The following ARFIP1 variants were observed in gnomAD, a reference collection of about 807,000 sequenced individuals.
ARFIP1 encodes the protein arfaptin-1.
A neutral mutation model predicts 42.5 loss-of-function variants in ARFIP1; 24 were observed. That is an observed-to-expected ratio of 0.57 (90% CI 0.41 to 0.80). The LOEUF (loss-of-function observed/expected upper bound fraction) is 0.80, where lower values mean the gene tolerates loss of function less well. Among genes scored for constraint, ARFIP1 ranks in the 30% least tolerant of loss-of-function variants. The pLI, the probability that ARFIP1 is intolerant of heterozygous loss-of-function variation, is 0.00. For missense variants in ARFIP1, 354 were observed against 434.0 expected (o/e 0.82, Z 1.64); for synonymous variants, 141 against 153.7 (o/e 0.92, Z 0.61).
Position 152,892,417 on chromosome 4 carries a change from A to G in ARFIP1, c.966+4110A>G, listed in dbSNP as rs577977247. ...CTTCTCTTCTAAAATGAGAAGCCAG[A>G]TAACCAAACAACGAGAATAGGGCAT... is the stretch of plus-strand genomic sequence containing the variant. On this transcript the variant is annotated intron_variant, in intron 8 of 8. Coordinates refer to ENST00000353617, the MANE Select transcript of ARFIP1 (RefSeq NM_001025595.3). 5.2e-4 allele frequency among the ~76,000 whole-genome samples: 79 copies of G among 152,298 alleles called. 2 individuals carry two copies. Among genetic ancestry groups the G allele is most frequent in the Non-Finnish European group, 1.5e-4 (10 of 68,024 alleles).
rs1554036969 is a variant in ARFIP1 at position 152,905,545 on chromosome 4, G to GCTTTT, written c.967-4519_967-4518insCTTTT. On this transcript the variant is annotated intron_variant, in intron 8 of 8. Coordinates refer to ENST00000353617, the MANE Select transcript of ARFIP1 (RefSeq NM_001025595.3). ...TTATTCTTACTGAATTGTAAGAATT[G>GCTTTT]TTTTTTTTTTTTTTTTTTTTTTTTT... is the stretch of plus-strand genomic sequence containing the variant. 1.6e-3 allele frequency among the ~76,000 whole-genome samples: 48 copies of GCTTTT among 30,374 alleles called. 1 individual carries two copies. The highest frequency in any genetic ancestry group is 6.0e-3 in the African/African-American group (48 of 8,044). The allele number at this position is 30,374 out of a possible 152,430, so 19.9% of individuals were successfully genotyped here. A position where few individuals can be genotyped will look rare whatever the true frequency, so the allele number is the denominator to read the frequency against.
intron 6 of ARFIP1, 88 bp from the exon 7 acceptor site, chr4:152,882,635 T>C: frequency 7.9e-7 from 1 of 1,263,096 alleles, no homozygotes; most frequent in Non-Finnish European, 1.1e-6. Context: ...CTAAATCACA[T>C]ATTTTCCCAT....
At chr4:152,794,738 C>T (rs1243563082) in intron 1 of ARFIP1, among the ~76,000 whole-genome samples, 5 of 152,100 alleles carry the variant, frequency 3.3e-5, no homozygotes, top group East Asian at 3.8e-4. Context: ...ATTTACTTAT[C>T]GTCTATTGTG....
chr4:152,828,689 CAT>C lies in ARFIP1; in HGVS notation c.-9-933_-9-932del, dbSNP rs547530065. 2.6e-3 allele frequency among the ~76,000 whole-genome samples: 403 copies of C among 152,294 alleles called. 1 individual carries two copies. Among genetic ancestry groups the C allele is most frequent in the Non-Finnish European group, 4.7e-3 (318 of 68,026 alleles). ...TCCGTGGCTTGTCTTCTCAGTCCTT[CAT>C]ATGTTTTCTGTGGAGCAGAAATCTT... On this transcript the variant is annotated intron_variant, in intron 1 of 8. Coordinates refer to ENST00000353617, the MANE Select transcript of ARFIP1 (RefSeq NM_001025595.3).
At chr4:152,823,843 C>A (rs924232205) in intron 1 of ARFIP1, among the ~76,000 whole-genome samples, 3 of 147,396 alleles carry the variant, frequency 2.0e-5, no homozygotes, top group African/African-American at 7.5e-5. Flanking sequence ...TCCAAAAACT[C>A]GAGAAGGAGG....
At chr4:152,791,446 GT>G (rs1731141712) in intron 1 of ARFIP1, among the ~76,000 whole-genome samples, 1 of 152,142 alleles carries the variant, frequency 6.6e-6, no homozygotes, top group African/African-American at 2.4e-5. Flanking sequence ...AAACAAGTCA[GT>G]TCAACTTGAA....
At chr4:152,880,731 T>C (rs972341112) in intron 5 of ARFIP1, among the ~76,000 whole-genome samples, 3 of 152,230 alleles carry the variant, frequency 2.0e-5, no homozygotes, top group Non-Finnish European at 4.4e-5. Flanking sequence ...AGAGTTCTTA[T>C]GGCAGTATAT....
intron 1 of ARFIP1, among the ~76,000 whole-genome samples, chr4:152,802,809 A>G (rs1728527611): frequency 6.6e-6 from 1 of 152,172 alleles, no homozygotes; most frequent in South Asian, 2.1e-4. Flanking sequence ...CATTATTAAG[A>G]TAGTGTTTTA....
chr4:152,810,907 G>T (rs1344468413), intron 1 of ARFIP1, among the ~76,000 whole-genome samples: 2 of 151,874 alleles, frequency 1.3e-5, no homozygotes, highest in Non-Finnish European at 2.9e-5. Flanking sequence ...AGTGTGCTGT[G>T]CTTATCTCTA....
At chr4:152,813,722 T>C (rs1366118344) in intron 1 of ARFIP1, among the ~76,000 whole-genome samples, 1 of 152,166 alleles carries the variant, frequency 6.6e-6, no homozygotes, top group East Asian at 1.9e-4. Context: ...TGTTTTTTGA[T>C]AATAATTGTT....
chr4:152,811,408 T>C (rs1729454062), intron 1 of ARFIP1, among the ~76,000 whole-genome samples: 1 of 152,182 alleles, frequency 6.6e-6, no homozygotes, highest in South Asian at 2.1e-4. Flanking sequence ...GGCTTTGGAA[T>C]AAGTTTTATA....
chr4:152,817,853 G>T (rs1006954960), intron 1 of ARFIP1, among the ~76,000 whole-genome samples: 2 of 152,112 alleles, frequency 1.3e-5, no homozygotes, highest in African/African-American at 2.4e-5. Context: ...CATATGAAAA[G>T]ATACTCAATA....
chr4:152,834,656 A>C (rs1257164665), intron 2 of ARFIP1, among the ~76,000 whole-genome samples: 1 of 152,248 alleles, frequency 6.6e-6, no homozygotes, highest in Non-Finnish European at 1.5e-5. Flanking sequence ...GGCTTTGGGC[A>C]GCTCTGCCCC....
intron 2 of ARFIP1, among the ~76,000 whole-genome samples, chr4:152,833,750 AT>A: frequency 6.6e-6 from 1 of 152,360 alleles, no homozygotes; most frequent in South Asian, 2.1e-4. Context: ...CCTGGAAGAT[AT>A]TAGGCTAAGT....
chr4:152,853,096 T>A (rs996267213), intron 2 of ARFIP1, among the ~76,000 whole-genome samples: 1 of 152,248 alleles, frequency 6.6e-6, no homozygotes, highest in African/African-American at 2.4e-5. Flanking sequence ...TTAAGATTTT[T>A]ATTGATATGT....
Position 152,910,771 on chromosome 4 carries a change from A to G in ARFIP1, c.*552A>G, listed in dbSNP as rs1477431421. On this transcript the variant is annotated 3_prime_UTR_variant, in exon 9 of 9. Transcript: ENST00000353617. ...TGATTAGCTTGTGGAGTTGTGGCAA[A>G]TACCTTTTTAAAAATGAATCTGTAC... The G allele has an allele frequency of 1.3e-5, 2 of 152,264 alleles. No homozygotes were observed. The highest frequency in any genetic ancestry group is 2.1e-4 in the South Asian group (1 of 4,824). The allele number at this position is 152,264 out of a possible 1,614,324, so 9.4% of individuals were successfully genotyped here.
At chr4:152,844,351 C>G (rs72723687) in intron 2 of ARFIP1, among the ~76,000 whole-genome samples, 4,643 of 152,230 alleles carry the variant, frequency 0.03, 114 homozygotes, top group South Asian at 0.12. Flanking sequence ...TTCTTGCAGT[C>G]AATCTGGAGC....
In ARFIP1 at chr4:152,865,678, T is replaced by G. The variant is rs537066207; in HGVS notation, c.202+1964T>G. On this transcript the variant is annotated intron_variant, in intron 3 of 8. Transcript: ENST00000353617. ...CACGTCAGTGTCTTAGTAGTCATTC[T>G]GAAGCATCATGGCATTCTTATATCA... Among the ~76,000 whole-genome samples, 5 of 152,290 alleles carry G rather than the reference T, an allele frequency of 3.3e-5. No individual in the cohort carries two copies. The South Asian group carries it at 1.0e-3, about 32-fold the overall frequency.
At position 152,869,102 on chromosome 4, in the gene ARFIP1, G is replaced by A. The variant is rs1439751960; in HGVS notation, c.203-1651G>A. Among the ~76,000 whole-genome samples, 4 of 152,284 alleles carry A rather than the reference G, an allele frequency of 2.6e-5. No individual in the cohort carries two copies. In the East Asian group the frequency reaches 7.7e-4, roughly 29 times the overall value. On this transcript the variant is annotated intron_variant, in intron 3 of 8. Coordinates refer to ENST00000353617, the MANE Select transcript of ARFIP1 (RefSeq NM_001025595.3). ...GTCTATTGCATGTTTGAATTTTAAT[G>A]TGAGATCCAGTTCAAGTTAAGGTAT... is the stretch of plus-strand genomic sequence containing the variant.
Sources: gnomAD v4.1 joint callset for allele counts (sites outside exome capture counted in the v4.1 genomes callset) on GRCh38, gnomAD v4.1.1 for gene constraint, MANE v1.5 for transcripts, NCBI Gene and HGNC (gene_info 2026-07-23, HGNC 2026-07-21) for gene names.